ZBTB44: variants seen among roughly 807,000 people sequenced by gnomAD.
ZBTB44 encodes zinc finger and BTB domain-containing protein 44.
ZBTB44 carries 15 observed loss-of-function variants against 54.0 expected under a neutral mutation model. That is an observed-to-expected ratio of 0.28 (90% CI 0.19 to 0.43). ZBTB44 has a LOEUF of 0.43. ZBTB44 is among the 20% of genes least tolerant of loss of function. The probability of loss-of-function intolerance (pLI) is 1.00; values close to 1 mark genes in which losing one functional copy is unlikely to be tolerated. For synonymous variants in ZBTB44, 230 were observed against 250.1 expected, an observed-to-expected ratio of 0.92 and a Z score of 0.76; for missense variants, 487 against 707.1, an observed-to-expected ratio of 0.69 and a Z score of 3.53.
chr11:130,278,600 T>C (rs972219881), intron 1 of ZBTB44, among the ~76,000 whole-genome samples: 6 of 152,216 alleles, frequency 3.9e-5, no homozygotes, highest in East Asian at 1.9e-4. Flanking sequence ...TGGTGTCTTA[T>C]GTTTTGCTGA....
At chr11:130,268,068 A>AC (rs1939388591) in intron 1 of ZBTB44, among the ~76,000 whole-genome samples, 1 of 147,232 alleles carries the variant, frequency 6.8e-6, no homozygotes, top group Non-Finnish European at 1.5e-5. Flanking sequence ...GACTCTGTCT[A>AC]CAAAAAAAAA....
At chr11:130,283,344 C>T (rs995129408) in intron 1 of ZBTB44, among the ~76,000 whole-genome samples, 5 of 152,036 alleles carry the variant, frequency 3.3e-5, no homozygotes, top group African/African-American at 1.2e-4. Flanking sequence ...CCGTGCCCGG[C>T]CCATTCTAAC....
intron 2 of ZBTB44, among the ~76,000 whole-genome samples, chr11:130,242,707 T>C (rs955023279): frequency 3.3e-5 from 5 of 151,966 alleles, no homozygotes; most frequent in African/African-American, 1.2e-4. Context: ...CATATTCTTT[T>C]GAAGGTAATG....
rs527851821 is a variant in ZBTB44 at position 130,230,829 on chromosome 11, A to G, written c.*935T>C. 7 of 152,258 alleles carry G rather than the reference A, an allele frequency of 4.6e-5. No individual in the cohort carries two copies. In the South Asian group the frequency reaches 6.2e-4, roughly 14 times the overall value. The allele number at this position is 152,258 out of a possible 1,614,324, so 9.4% of individuals were successfully genotyped here. On this transcript the variant is annotated 3_prime_UTR_variant, in exon 8 of 8. Coordinates refer to ENST00000357899, the MANE Select transcript of ZBTB44 (RefSeq NM_001301098.2). ...GAATATACCCTTTAAACACGAAAAG[A>G]ACAACTGCAGGAGCTTTAACATCCA... is the stretch of plus-strand genomic sequence containing the variant.
intron 2 of ZBTB44, among the ~76,000 whole-genome samples, chr11:130,245,179 G>A (rs983782705): frequency 1.3e-5 from 2 of 152,172 alleles, no homozygotes; most frequent in African/African-American, 4.8e-5. Context: ...CCCTTCTGGT[G>A]TATGTGTAGC....
chr11:130,243,581 G>A (rs753624055), intron 2 of ZBTB44, among the ~76,000 whole-genome samples: 9 of 152,210 alleles, frequency 5.9e-5, no homozygotes, highest in Non-Finnish European at 1.0e-4. Flanking sequence ...GTCCCCTGGA[G>A]TTTGGAGGAC....
intron 1 of ZBTB44, among the ~76,000 whole-genome samples, chr11:130,263,394 G>GT (rs34057019): frequency 6.6e-6 from 1 of 152,152 alleles, no homozygotes; most frequent in Non-Finnish European, 1.5e-5. Flanking sequence ...TATATAAAGC[G>GT]TTTTGTTCAT....
rs775346189 is a variant in ZBTB44 at position 130,237,125 on chromosome 11, A to T, written c.1268-32T>A. 5 of 1,453,210 alleles carry T rather than the reference A, an allele frequency of 3.4e-6. No homozygotes were observed. The Admixed American group carries it at 7.8e-5, about 23-fold the overall frequency. 90.0% of individuals were successfully genotyped at this position (1,453,210 alleles called of 1,614,324 possible). ...ATAAAGCAAAACAAAATATCTAAAA[A>T]CAAAAATAAACTGAAAAGTCATAAA... On this transcript the variant is annotated intron_variant, in intron 4 of 7. Transcript: ENST00000357899.
chr11:130,291,390 G>A (rs1941295557), intron 1 of ZBTB44, among the ~76,000 whole-genome samples: 1 of 152,102 alleles, frequency 6.6e-6, no homozygotes. Flanking sequence ...GCCCACCTCG[G>A]CCTCCCAAAG....
At chr11:130,281,427 G>C (rs764883870) in intron 1 of ZBTB44, among the ~76,000 whole-genome samples, 1 of 151,962 alleles carries the variant, frequency 6.6e-6, no homozygotes, top group Non-Finnish European at 1.5e-5. Flanking sequence ...AGCTAAGGTG[G>C]GAGGATGGCT....
intron 1 of ZBTB44, among the ~76,000 whole-genome samples, chr11:130,279,706 AG>A (rs1224547388): frequency 6.6e-6 from 1 of 151,476 alleles, no homozygotes; most frequent in African/African-American, 2.4e-5. Flanking sequence ...GCTCATTTGA[AG>A]GAACAGTTTG....
intron 1 of ZBTB44, among the ~76,000 whole-genome samples, chr11:130,262,383 C>A (rs183616652): frequency 1.4e-3 from 216 of 152,262 alleles, no homozygotes; most frequent in African/African-American, 5.0e-3. Context: ...AGGTGATAGG[C>A]CTGCCTAGGC....
intron 7 of ZBTB44, chr11:130,232,800 G>A (rs1953927822): frequency 6.6e-6 from 1 of 152,538 alleles, no homozygotes; most frequent in Non-Finnish European, 1.5e-5. Context: ...AGGAGTTCAA[G>A]ACCAGCCTGG....
At chr11:130,247,673 A>G (rs1400558261) in intron 2 of ZBTB44, among the ~76,000 whole-genome samples, 1 of 152,240 alleles carries the variant, frequency 6.6e-6, no homozygotes, top group East Asian at 1.9e-4. Flanking sequence ...TGGCAAAACC[A>G]TTTCAAAACT....
At chr11:130,304,066 ATTTT>A (rs574996169) in intron 1 of ZBTB44, among the ~76,000 whole-genome samples, 1 of 152,176 alleles carries the variant, frequency 6.6e-6, no homozygotes, top group Admixed American at 6.5e-5. Flanking sequence ...AATCTAATGT[ATTTT>A]TTTAATTTTT....
intron 1 of ZBTB44, among the ~76,000 whole-genome samples, chr11:130,284,565 A>G (rs767107933): frequency 6.6e-6 from 1 of 152,146 alleles, no homozygotes. Context: ...AGAGTCCACT[A>G]CTTTGTACAA....
intron 1 of ZBTB44, among the ~76,000 whole-genome samples, chr11:130,292,047 T>C (rs968632042): frequency 1.3e-5 from 2 of 152,322 alleles, no homozygotes; most frequent in African/African-American, 4.8e-5. Context: ...TCTGGCTTCT[T>C]TCATGGACAT....
intron 1 of ZBTB44, chr11:130,297,033 G>A (rs762062530): frequency 2.0e-5 from 14 of 685,836 alleles, no homozygotes; most frequent in Middle Eastern, 5.1e-4. Context: ...GAAATCATCC[G>A]ATAGCAGGCA....
chr11:130,312,734 G>A (rs1565345530), intron 1 of ZBTB44, among the ~76,000 whole-genome samples: 1 of 152,192 alleles, frequency 6.6e-6, no homozygotes, highest in African/African-American at 2.4e-5. Context: ...ATCAATGCAT[G>A]AATCTTGACT....
Sources: gnomAD v4.1 joint callset for allele counts (sites outside exome capture counted in the v4.1 genomes callset) on GRCh38, gnomAD v4.1.1 for gene constraint, MANE v1.5 for transcripts, NCBI Gene and HGNC (gene_info 2026-07-23, HGNC 2026-07-21) for gene names.